The following RANBP2 variants were observed in gnomAD, a reference collection of about 807,000 sequenced individuals.
RANBP2 encodes RAN binding protein 2, also known as E3 SUMO-protein ligase RanBP2.
In RANBP2, 57 loss-of-function variants were observed where a neutral mutation model predicts 303.6. The ratio of observed to expected loss-of-function variants is 0.19; its 90% CI spans 0.15 to 0.23. RANBP2 has a LOEUF of 0.23. Among genes scored for constraint, RANBP2 ranks in the 10% least tolerant of loss-of-function variants. RANBP2 has a pLI of 1.00. For synonymous variants in RANBP2, 1,167 were observed against 1,301.5 expected, an observed-to-expected ratio of 0.90 and a Z score of 2.23; for missense variants, 3,138 against 3,780.8, an observed-to-expected ratio of 0.83 and a Z score of 4.46.
At chr2:109,544,120 T>C in the RANBP2 span, 2 of 1,517,220 alleles carry the variant, frequency 1.3e-6, no homozygotes, top group Non-Finnish European at 1.8e-6. Context: ...CAACTTGTAG[T>C]ATCATTCACT....
chr2:108,850,164 A>G, the RANBP2 span, among the ~76,000 whole-genome samples: 1 of 152,194 alleles, frequency 6.6e-6, no homozygotes, highest in African/African-American at 2.4e-5. Flanking sequence ...AGAACTAAAC[A>G]TTTAAACATA....
At chr2:109,777,406 C>A in the RANBP2 span, among the ~76,000 whole-genome samples, 1 of 142,184 alleles carries the variant, frequency 7.0e-6, no homozygotes, top group Non-Finnish European at 1.5e-5. Context: ...ATATGTTGAA[C>A]CAACCTTGCA....
the RANBP2 span, among the ~76,000 whole-genome samples, chr2:109,268,138 G>A: frequency 3.0e-4 from 45 of 152,052 alleles, no homozygotes; most frequent in Non-Finnish European, 5.7e-4. Flanking sequence ...CACCTCCTTT[G>A]GTCGTCACTT....
the RANBP2 span, among the ~76,000 whole-genome samples, chr2:109,139,029 G>T: frequency 6.6e-6 from 1 of 152,198 alleles, no homozygotes; most frequent in Non-Finnish European, 1.5e-5. Context: ...GGGACGTGGA[G>T]TCATGGGTGA....
At position 108,763,862 on chromosome 2, in the gene RANBP2, G is replaced by A. The variant is rs764978550; in HGVS notation, c.3323G>A (p.Gly1108Glu). ...AATTTTGGAAGCAAAAATGTGTCTG[G>A]AATTTCATTTACAGAAAACATGGGG... The part of the protein sequence containing the change: ...TFNFGSKNVS[G>E]ISFTENMGSS... The change falls in exon 20 of 29, where the codon GGA (glycine) becomes GAA (glutamate). Residue 1108 changes from glycine to glutamate, a missense_variant. This residue lies in a region of RANBP2 where 403 missense variants were observed against 376.7 expected (regional missense o/e 1.07). Coordinates refer to ENST00000283195, the MANE Select transcript of RANBP2 (RefSeq NM_006267.5). 6.2e-7 allele frequency: 1 copy of A among 1,613,828 alleles called. No homozygotes were observed. The highest frequency in any genetic ancestry group is 8.5e-7 in the Non-Finnish European group (1 of 1,179,978).
the RANBP2 span, among the ~76,000 whole-genome samples, chr2:109,401,511 A>C: frequency 6.6e-6 from 1 of 152,162 alleles, no homozygotes; most frequent in Admixed American, 6.5e-5. Context: ...GCCAGTGCCT[A>C]TCCTGACAAG....
chr2:108,931,226 C>A, the RANBP2 span, among the ~76,000 whole-genome samples: 1 of 152,278 alleles, frequency 6.6e-6, no homozygotes, highest in African/African-American at 2.4e-5. Context: ...GCCTTCCCAG[C>A]CTCGCAGCCA....
At chr2:108,773,620 C>T (rs1677663606) in intron 23 of RANBP2, among the ~76,000 whole-genome samples, 1 of 149,924 alleles carries the variant, frequency 6.7e-6, no homozygotes, top group African/African-American at 2.4e-5. Context: ...AGATTTAACA[C>T]AACACCAGTC....
At chr2:109,088,623 C>T in the RANBP2 span, among the ~76,000 whole-genome samples, 568 of 152,054 alleles carry the variant, frequency 3.7e-3, 4 homozygotes, top group African/African-American at 0.013. Context: ...GAGGTTCTCA[C>T]GCCTCAGCCT....
At chr2:108,906,382 T>A in the RANBP2 span, 23 of 1,613,752 alleles carry the variant, frequency 1.4e-5, no homozygotes, top group Admixed American at 5.0e-5. Flanking sequence ...TGAAAAAGAG[T>A]CGAGAATTTT....
chr2:108,876,109 A>G, the RANBP2 span: 41 of 1,598,706 alleles, frequency 2.6e-5, no homozygotes, highest in Non-Finnish European at 3.4e-5. Context: ...AGCTCTTTGA[A>G]CTTTTTACGA....
the RANBP2 span, among the ~76,000 whole-genome samples, chr2:108,828,143 C>T: frequency 6.6e-6 from 1 of 151,930 alleles, no homozygotes; most frequent in South Asian, 2.1e-4. Flanking sequence ...TGGTTCTATA[C>T]CATACTTCTT....
At chr2:109,633,930 G>A in the RANBP2 span, among the ~76,000 whole-genome samples, 2 of 151,736 alleles carry the variant, frequency 1.3e-5, no homozygotes, top group South Asian at 4.2e-4. Flanking sequence ...GACTAGCCTG[G>A]CCTATATGGG....
At chr2:109,452,350 A>G in the RANBP2 span, among the ~76,000 whole-genome samples, 1 of 152,094 alleles carries the variant, frequency 6.6e-6, no homozygotes, top group Non-Finnish European at 1.5e-5. Flanking sequence ...AGATGTACAC[A>G]TGTCTAATTA....
At chr2:109,051,144 C>T in the RANBP2 span, among the ~76,000 whole-genome samples, 1 of 152,206 alleles carries the variant, frequency 6.6e-6, no homozygotes, top group Non-Finnish European at 1.5e-5. Context: ...ATCTGTCTTA[C>T]TCAGTTGAAG....
chr2:109,658,017 G>A, the RANBP2 span, among the ~76,000 whole-genome samples: 8 of 151,984 alleles, frequency 5.3e-5, no homozygotes, highest in African/African-American at 1.9e-4. Context: ...ACCGTGCCGG[G>A]CCTGAGTTTG....
chr2:109,139,625 T>C, the RANBP2 span, among the ~76,000 whole-genome samples: 2 of 152,240 alleles, frequency 1.3e-5, no homozygotes, highest in African/African-American at 4.8e-5. Flanking sequence ...TTTGACAAAC[T>C]AAGCTTTGAC....
At chr2:109,136,671 G>A in the RANBP2 span, among the ~76,000 whole-genome samples, 1 of 152,174 alleles carries the variant, frequency 6.6e-6, no homozygotes, top group Admixed American at 6.5e-5. Context: ...TGGGTAGCAC[G>A]TGTTTACATT....
the RANBP2 span, among the ~76,000 whole-genome samples, chr2:109,540,748 C>G: frequency 7.1e-6 from 1 of 141,670 alleles, no homozygotes; most frequent in African/African-American, 2.6e-5. Context: ...CTGCAGTGAG[C>G]TATAACTGTG....
Sources: allele counts gnomAD v4.1 joint callset (sites outside exome capture counted in the v4.1 genomes callset), GRCh38; gene constraint gnomAD v4.1.1; regional missense constraint gnomAD v4.1.1; transcripts MANE v1.5; gene names NCBI Gene and HGNC (gene_info 2026-07-23, HGNC 2026-07-21).